RBPJ: variants seen among roughly 807,000 people sequenced by gnomAD.
RBPJ encodes the protein recombining binding protein suppressor of hairless.
Under a neutral mutation model 67.8 loss-of-function variants are expected in RBPJ, and 9 were observed. The ratio of observed to expected loss-of-function variants is 0.13; its 90% CI spans 0.08 to 0.23. RBPJ has a LOEUF of 0.23. Among genes scored for constraint, RBPJ ranks in the 10% least tolerant of loss-of-function variants. RBPJ has a pLI of 1.00. For synonymous variants in RBPJ, 198 were observed against 203.3 expected, an observed-to-expected ratio of 0.97 and a Z score of 0.22; for missense variants, 305 against 595.6, an observed-to-expected ratio of 0.51 and a Z score of 5.08.
At chr4:26,194,357 C>T (rs1717676687) in intron 1 of RBPJ, among the ~76,000 whole-genome samples, 1 of 152,200 alleles carries the variant, frequency 6.6e-6, no homozygotes, top group Admixed American at 6.5e-5. Context: ...CATGAGCACA[C>T]ACACACATTT....
At chr4:26,160,819 C>T (rs1268035899), upstream of RBPJ, among the ~76,000 whole-genome samples, 2 of 152,162 alleles carry the variant, frequency 1.3e-5, no homozygotes, top group African/African-American at 4.8e-5. Flanking sequence ...GGCCTTTGTT[C>T]TCAGAATGAG....
At chr4:26,243,310 C>T (rs929226104) in intron 1 of RBPJ, among the ~76,000 whole-genome samples, 5 of 152,084 alleles carry the variant, frequency 3.3e-5, no homozygotes, top group Non-Finnish European at 1.5e-5. Context: ...ATGGGTATCT[C>T]GCAGAAATTT....
chr4:26,426,546 G>A lies in RBPJ; in HGVS notation c.747+1803G>A, dbSNP rs73126670. ...GACAGGAATTCTGACATGCAAAGTC[G>A]AGTGCCTCTCGTCATTGAGTTTACA... On this transcript the variant is annotated intron_variant, in intron 7 of 10. Transcript: ENST00000355476. Among the ~76,000 whole-genome samples the A allele has an allele frequency of 5.2e-3, 796 of 152,238 alleles. 5 individuals are homozygous for A. The highest frequency in any genetic ancestry group is 0.018 in the African/African-American group (751 of 41,540).
chr4:26,113,524 G>A, the RBPJ span: 17 of 532,794 alleles, frequency 3.2e-5, no homozygotes, highest in African/African-American at 9.5e-5. Context: ...CGTTCTGTGC[G>A]AAGTCAAAGC....
chr4:26,391,937 G>A (rs1731543382), intron 2 of RBPJ, among the ~76,000 whole-genome samples: 1 of 152,198 alleles, frequency 6.6e-6, no homozygotes, highest in Non-Finnish European at 1.5e-5. Flanking sequence ...TGTGTTTGAT[G>A]TCTGTTGGGA....
At chr4:26,343,054 A>C (rs1421147987) in intron 1 of RBPJ, 1 of 152,210 alleles carries the variant, frequency 6.6e-6, no homozygotes, top group African/African-American at 2.4e-5. Flanking sequence ...ATGTGGCTTA[A>C]AAACTGATGA....
At chr4:26,180,203 A>G (rs1392268128) in intron 1 of RBPJ, among the ~76,000 whole-genome samples, 1 of 152,134 alleles carries the variant, frequency 6.6e-6, no homozygotes, top group Non-Finnish European at 1.5e-5. Flanking sequence ...GGGGAGGATC[A>G]GGGAAAGTAA....
chr4:26,178,095 G>A (rs1716858433), intron 1 of RBPJ, among the ~76,000 whole-genome samples: 1 of 152,174 alleles, frequency 6.6e-6, no homozygotes, highest in Non-Finnish European at 1.5e-5. Flanking sequence ...ATATAGCAAT[G>A]AACATCTCTG....
chr4:26,309,117 C>T (rs1031038659), intron 1 of RBPJ, among the ~76,000 whole-genome samples: 18 of 151,734 alleles, frequency 1.2e-4, no homozygotes, highest in African/African-American at 4.4e-4. Flanking sequence ...CACTTGCAGC[C>T]TTGGCCTCCT....
intron 7 of RBPJ, among the ~76,000 whole-genome samples, chr4:26,427,371 C>A (rs1577675713): frequency 6.6e-6 from 1 of 152,084 alleles, no homozygotes; most frequent in African/African-American, 2.4e-5. Context: ...TGTTAGACAT[C>A]GTAAGTGGAA....
intron 1 of RBPJ, among the ~76,000 whole-genome samples, chr4:26,348,948 C>T (rs1006584084): frequency 1.3e-5 from 2 of 152,044 alleles, no homozygotes; most frequent in African/African-American, 4.8e-5. Context: ...TTCTAGTTAT[C>T]CTCCTACCTA....
rs1560238007 is a variant in RBPJ at position 26,270,436 on chromosome 4, AGAAG to A, written c.-166-92009_-166-92006del. On this transcript the variant is annotated intron_variant, in intron 1 of 4. Coordinates refer to the RBPJ transcript ENST00000512351. The stretch of plus-strand genomic sequence containing the variant: ...AAGAAAGAAAGAAAGAAAGAAAGAA[AGAAG>A]AAAGAAAGAAAGAAAGAAAAGAAAA... Among the ~76,000 whole-genome samples the A allele has an allele frequency of 5.6e-3, 270 of 48,274 alleles. 21 individuals are homozygous for A. The highest frequency in any genetic ancestry group is 0.015 in the African/African-American group (258 of 17,740). 31.7% of individuals were successfully genotyped at this position (48,274 alleles called of 152,430 possible). A position where few individuals can be genotyped will look rare whatever the true frequency, so the allele number is the denominator to read the frequency against.
chr4:26,211,257 A>G (rs1170024885), intron 1 of RBPJ, among the ~76,000 whole-genome samples: 1 of 152,146 alleles, frequency 6.6e-6, no homozygotes, highest in African/African-American at 2.4e-5. Flanking sequence ...TCTGGGGACA[A>G]ATACTCATCA....
chr4:26,430,803 A>T lies in RBPJ; in HGVS notation c.1260A>T (p.Gly420=). The change falls in exon 11 of 11, where the codon GGA becomes GGT. Residue 420 remains glycine, a synonymous_variant. Transcript: ENST00000355476. The surrounding 1 kb of genome is among the most constrained non-coding windows in gnomAD (Gnocchi z 4.1). The stretch of plus-strand genomic sequence containing the variant: ...CAGTAACTTTGGTCCGAAATGATGG[A>T]ATCATTTATTCCACCAGCCTTACCT... ...QVPVTLVRND[G]IIYSTSLTFT... The T allele has an allele frequency of 6.2e-7, 1 of 1,614,034 alleles. No homozygotes were observed. The highest frequency in any genetic ancestry group is 8.5e-7 in the Non-Finnish European group (1 of 1,179,992).
At chr4:26,245,693 G>A (rs1719905504) in intron 1 of RBPJ, among the ~76,000 whole-genome samples, 1 of 152,148 alleles carries the variant, frequency 6.6e-6, no homozygotes. Flanking sequence ...TCTTCTATGA[G>A]TTTTATAGCT....
intron 2 of RBPJ, among the ~76,000 whole-genome samples, chr4:26,397,822 A>T (rs1222590362): frequency 6.6e-6 from 1 of 152,130 alleles, no homozygotes; most frequent in South Asian, 2.1e-4. Context: ...TTTAGTAGAG[A>T]CAGGGTTTCA....
chr4:26,362,400 TAACATACC>T, intron 1 of RBPJ: 1 of 1,245,592 alleles, frequency 8.0e-7, no homozygotes, highest in South Asian at 1.8e-5. Flanking sequence ...ACTAGCAGTT[TAACATACC>T]AACACTTAAG....
chr4:26,145,958 G>A, the RBPJ span, among the ~76,000 whole-genome samples: 1 of 152,046 alleles, frequency 6.6e-6, no homozygotes, highest in Non-Finnish European at 1.5e-5. Flanking sequence ...GTTTTTTAGA[G>A]ACAGGATCTC....
chr4:26,360,195 A>G (rs925682025), intron 1 of RBPJ, among the ~76,000 whole-genome samples: 2 of 152,218 alleles, frequency 1.3e-5, no homozygotes, highest in African/African-American at 4.8e-5. Flanking sequence ...TAAAATGGAA[A>G]ATTGGATATA....
Sources: allele counts gnomAD v4.1 joint callset (sites outside exome capture counted in the v4.1 genomes callset), GRCh38; gene constraint gnomAD v4.1.1; non-coding constraint Gnocchi (gnomAD v3.1); transcripts MANE v1.5; gene names NCBI Gene and HGNC (gene_info 2026-07-23, HGNC 2026-07-21).